GALNT2: variants seen among roughly 807,000 people sequenced by gnomAD.
The protein encoded by GALNT2 is polypeptide N-acetylgalactosaminyltransferase 2.
GALNT2 carries 31 observed loss-of-function variants against 81.4 expected under a neutral mutation model. The observed-to-expected ratio is 0.38, with a 90% CI of 0.29 to 0.51. GALNT2 has a LOEUF of 0.51. GALNT2 is among the 20% of genes least tolerant of loss of function. The pLI, the probability that GALNT2 is intolerant of heterozygous loss-of-function variation, is 0.87. For missense variants in GALNT2, 629 were observed against 765.7 expected (o/e 0.82, Z 2.11); for synonymous variants, 303 against 287.4 (o/e 1.05, Z -0.55).
intron 3 of GALNT2, among the ~76,000 whole-genome samples, chr1:230,213,456 GT>G (rs1285843303): frequency 6.6e-6 from 1 of 152,024 alleles, no homozygotes; most frequent in Non-Finnish European, 1.5e-5. Context: ...TCTTTCTTTG[GT>G]TTCATGTTTT....
chr1:230,229,642 A>G (rs1664813380), intron 3 of GALNT2, among the ~76,000 whole-genome samples: 2 of 152,148 alleles, frequency 1.3e-5, no homozygotes, highest in African/African-American at 4.8e-5. Context: ...CGTTGTTTCT[A>G]ATGGAGAGAA....
At chr1:230,109,192 G>C (rs1660629729) in intron 1 of GALNT2, among the ~76,000 whole-genome samples, 1 of 152,192 alleles carries the variant, frequency 6.6e-6, no homozygotes, top group Non-Finnish European at 1.5e-5. Context: ...TGGGAGCTGC[G>C]GCTGCGGACC....
Position 230,275,316 on chromosome 1 carries a change from CATAT to C in GALNT2, c.1560+758_1560+761del, listed in dbSNP as rs948389311. 1.3e-5 allele frequency among the ~76,000 whole-genome samples: 2 copies of C among 151,390 alleles called. No homozygotes were observed. The highest frequency in any genetic ancestry group is 1.9e-4 in the East Asian group (1 of 5,166). On this transcript the variant is annotated intron_variant, in intron 15 of 15. Transcript: ENST00000366672. This position sits in a 1 kb window ranked among gnomAD's most constrained non-coding sequence, Gnocchi z 5.5. The stretch of plus-strand genomic sequence containing the variant: ...CACATTTATACATATATAAACGCCA[CATAT>C]ATATACACACCACATATGTATACAT...
chr1:230,063,782 G>T (rs1341605380), upstream of GALNT2, among the ~76,000 whole-genome samples: 1 of 152,044 alleles, frequency 6.6e-6, no homozygotes, highest in Non-Finnish European at 1.5e-5. Flanking sequence ...ATGCTTTTTG[G>T]CCTACTCTGT....
At chr1:230,085,187 ACCTGACGGCAAAACTGAAGCATAC>A (rs1659863164) in intron 1 of GALNT2, among the ~76,000 whole-genome samples, 1 of 152,162 alleles carries the variant, frequency 6.6e-6, no homozygotes, top group Non-Finnish European at 1.5e-5. Flanking sequence ...TGGCAGACAT[ACCTGACGGCAAAACTGAAGCATAC>A]CCTGACAGTG....
intron 1 of GALNT2, among the ~76,000 whole-genome samples, chr1:230,102,013 G>A (rs1252638720): frequency 2.6e-5 from 4 of 152,206 alleles, no homozygotes; most frequent in Non-Finnish European, 5.9e-5. Flanking sequence ...GGTTTTACTG[G>A]TTGATGCGGG....
At chr1:230,097,375 ACT>A (rs1240690724) in intron 1 of GALNT2, among the ~76,000 whole-genome samples, 1 of 151,976 alleles carries the variant, frequency 6.6e-6, no homozygotes, top group Non-Finnish European at 1.5e-5. Flanking sequence ...CAGAACTGAG[ACT>A]CTGTGCCCAT....
Position 230,250,557 on chromosome 1 carries a change from C to A in GALNT2, c.1006C>A (p.Leu336Ile). Residue 336 changes from leucine (L) to isoleucine (I), a missense_variant, in exon 10 of 16, where the codon CTA becomes ATA. Leu to Ile is a conservative substitution (Grantham distance 5). Around this residue, in one of 3 missense-constraint regions of GALNT2, gnomAD observed 360 missense variants for 492.8 expected, o/e 0.73. Coordinates refer to ENST00000366672, the MANE Select transcript of GALNT2 (RefSeq NM_004481.5). The stretch of plus-strand genomic sequence containing the variant: ...GATGGATGTGTGGGGAGGAGAGAAC[C>A]TAGGTATGTACAAGCCTCAAATCTC... ...MMMDVWGGEN[L>I]EISFRVWQCG... 1 of 1,607,808 alleles carries A rather than the reference C, an allele frequency of 6.2e-7. No homozygotes were observed. Among genetic ancestry groups the A allele is most frequent in the Non-Finnish European group, 8.5e-7 (1 of 1,175,918 alleles).
At chr1:230,255,895 A>C (rs115178318) in intron 11 of GALNT2, among the ~76,000 whole-genome samples, 1,582 of 152,322 alleles carry the variant, frequency 0.01, 13 homozygotes, top group Middle Eastern at 0.014. Context: ...CTCTAACCAA[A>C]TACCACAGAC....
At chr1:230,182,796 C>T (rs898055412) in intron 2 of GALNT2, among the ~76,000 whole-genome samples, 3 of 152,190 alleles carry the variant, frequency 2.0e-5, no homozygotes, top group African/African-American at 7.2e-5. Flanking sequence ...TGAGCTTCCT[C>T]TTGCAGGATC....
chr1:230,159,960 TG>T (rs1662380247), intron 1 of GALNT2, among the ~76,000 whole-genome samples: 1 of 151,758 alleles, frequency 6.6e-6, no homozygotes, highest in Admixed American at 6.6e-5. Context: ...CCAAGGGGAG[TG>T]GGGAGTCCTC....
chr1:230,158,005 A>G (rs1662313300), intron 1 of GALNT2, among the ~76,000 whole-genome samples: 1 of 152,240 alleles, frequency 6.6e-6, no homozygotes, highest in Non-Finnish European at 1.5e-5. Flanking sequence ...GAGAAAAAAA[A>G]TCATAAGCCA....
chr1:230,061,015 T>C (rs1319998683), intron 1 of GALNT2, among the ~76,000 whole-genome samples: 3 of 152,130 alleles, frequency 2.0e-5, no homozygotes, highest in Non-Finnish European at 4.4e-5. Flanking sequence ...ACCCCAGTCC[T>C]GGAATCAATA....
chr1:230,195,974 C>T (rs1483769225), intron 2 of GALNT2, among the ~76,000 whole-genome samples: 1 of 152,188 alleles, frequency 6.6e-6, no homozygotes, highest in African/African-American at 2.4e-5. Flanking sequence ...ACACTTGCAC[C>T]AGGGTCGTCA....
At chr1:230,205,512 T>C (rs1030683967) in intron 3 of GALNT2, among the ~76,000 whole-genome samples, 3 of 152,328 alleles carry the variant, frequency 2.0e-5, no homozygotes, top group Non-Finnish European at 2.9e-5. Flanking sequence ...ATTAATTTCT[T>C]TTCTAAAGCC....
At chr1:230,170,027 A>G (rs1662742100) in intron 1 of GALNT2, among the ~76,000 whole-genome samples, 1 of 152,194 alleles carries the variant, frequency 6.6e-6, no homozygotes, top group Non-Finnish European at 1.5e-5. Context: ...TTGTAATTAT[A>G]TTGGCCAGGG....
intron 1 of GALNT2, among the ~76,000 whole-genome samples, chr1:230,072,337 C>T (rs1326186165): frequency 1.0e-5 from 1 of 98,394 alleles, no homozygotes; most frequent in Non-Finnish European, 1.9e-5. Context: ...AGGCAGTGGG[C>T]TTAGTGAAAG....
In GALNT2 at chr1:230,111,624, T is replaced by C. The variant is rs539727923; in HGVS notation, c.126+44218T>C. On this transcript the variant is annotated intron_variant, in intron 1 of 15. Coordinates refer to ENST00000366672, the MANE Select transcript of GALNT2 (RefSeq NM_004481.5). ...TCACTCTTTTAAATCCCAGAGCCGA[T>C]ACTTGAACAGAAGTAAGTTTGCTGT... 2.2e-4 allele frequency among the ~76,000 whole-genome samples: 33 copies of C among 152,370 alleles called. No homozygotes were observed. In the South Asian group the frequency reaches 6.2e-3, roughly 29 times the overall value.
intron 1 of GALNT2, among the ~76,000 whole-genome samples, chr1:230,059,025 T>C (rs1658982807): frequency 6.6e-6 from 1 of 152,254 alleles, no homozygotes; most frequent in Non-Finnish European, 1.5e-5. Context: ...TTTCAGTGTT[T>C]AATATTTTGT....
Sources: allele counts gnomAD v4.1 joint callset (sites outside exome capture counted in the v4.1 genomes callset), GRCh38; gene constraint gnomAD v4.1.1; regional missense constraint gnomAD v4.1.1; non-coding constraint Gnocchi (gnomAD v3.1); transcripts MANE v1.5; gene names NCBI Gene and HGNC (gene_info 2026-07-23, HGNC 2026-07-21).